The following SAMMSON variants were observed in gnomAD, a reference collection of about 807,000 sequenced individuals.
SAMMSON encodes long intergenic non-protein coding RNA 1212.
intron 7 of SAMMSON, among the ~76,000 whole-genome samples, chr3:70,316,839 G>A (rs1205602381): frequency 1.3e-5 from 2 of 152,046 alleles, no homozygotes; most frequent in African/African-American, 4.8e-5. Flanking sequence ...GTTACAAAAT[G>A]CATTAAATTT....
At chr3:70,250,801 T>C (rs1271855273) in intron 6 of SAMMSON, among the ~76,000 whole-genome samples, 2 of 152,162 alleles carry the variant, frequency 1.3e-5, no homozygotes, top group East Asian at 1.9e-4. Context: ...CATAAACATA[T>C]GCATTTCTTC....
chr3:70,208,524 A>G (rs955656111), intron 4 of SAMMSON, among the ~76,000 whole-genome samples: 2 of 152,090 alleles, frequency 1.3e-5, no homozygotes, highest in Non-Finnish European at 2.9e-5. Flanking sequence ...AAGCTCTGGT[A>G]TTCCCCTATT....
chr3:70,392,213 GATATTT>G (rs1701055758), downstream of SAMMSON, among the ~76,000 whole-genome samples: 1 of 152,078 alleles, frequency 6.6e-6, no homozygotes, highest in South Asian at 2.1e-4. Flanking sequence ...CTGATTTTTA[GATATTT>G]ACTCTGTGAC....
At chr3:70,292,353 C>A (rs1193473954) in intron 7 of SAMMSON, among the ~76,000 whole-genome samples, 5 of 152,066 alleles carry the variant, frequency 3.3e-5, no homozygotes, top group Admixed American at 2.6e-4. Flanking sequence ...CTATACATAT[C>A]TTGTTGGCCT....
At chr3:70,266,256 T>C (rs1433872065) in intron 6 of SAMMSON, among the ~76,000 whole-genome samples, 2 of 152,148 alleles carry the variant, frequency 1.3e-5, no homozygotes, top group African/African-American at 4.8e-5. Flanking sequence ...TGTGACCTAT[T>C]ATGACTTATA....
chr3:70,045,771 A>G (rs563136164), intron 3 of SAMMSON, among the ~76,000 whole-genome samples: 2 of 152,122 alleles, frequency 1.3e-5, no homozygotes, highest in Non-Finnish European at 2.9e-5. Flanking sequence ...GTTGTTGAGC[A>G]CAAATGTGGG....
intron 4 of SAMMSON, among the ~76,000 whole-genome samples, chr3:70,228,876 G>A (rs1342340012): frequency 1.3e-5 from 2 of 152,032 alleles, no homozygotes; most frequent in Non-Finnish European, 2.9e-5. Flanking sequence ...CTATTATGTG[G>A]CAGACTATGT....
At chr3:70,290,092 G>A (rs568671446) in intron 6 of SAMMSON, among the ~76,000 whole-genome samples, 299 of 152,240 alleles carry the variant, frequency 2.0e-3, no homozygotes, top group African/African-American at 5.9e-3. Flanking sequence ...GCTTTGTTCC[G>A]TTGCTGGTGA....
chr3:70,101,520 A>T (rs1014917275), intron 4 of SAMMSON, among the ~76,000 whole-genome samples: 1 of 152,148 alleles, frequency 6.6e-6, no homozygotes, highest in Non-Finnish European at 1.5e-5. Flanking sequence ...CATTAATTGT[A>T]TAGATTAAAG....
chr3:70,290,640 C>T (rs1337766549), intron 6 of SAMMSON, among the ~76,000 whole-genome samples: 1 of 152,206 alleles, frequency 6.6e-6, no homozygotes, highest in Non-Finnish European at 1.5e-5. Context: ...TGGGCAATGG[C>T]GGGCGCCCCT....
At chr3:70,022,559 T>C (rs1320482492) in intron 3 of SAMMSON, among the ~76,000 whole-genome samples, 1 of 152,156 alleles carries the variant, frequency 6.6e-6, no homozygotes, top group Non-Finnish European at 1.5e-5. Context: ...TTTATGGAAC[T>C]AATTTTATTT....
At chr3:70,338,571 A>G (rs1028179724) in intron 7 of SAMMSON, among the ~76,000 whole-genome samples, 1 of 152,164 alleles carries the variant, frequency 6.6e-6, no homozygotes, top group East Asian at 1.9e-4. Flanking sequence ...TACAAAATCA[A>G]AGTGCAAAAA....
intron 4 of SAMMSON, among the ~76,000 whole-genome samples, chr3:70,104,327 T>C (rs562828501): frequency 6.6e-6 from 1 of 152,206 alleles, no homozygotes; most frequent in East Asian, 1.9e-4. Context: ...AAGTCTCAAT[T>C]TCCATATCTG....
intron 4 of SAMMSON, chr3:70,126,304 G>A (rs1464147934): frequency 1.7e-6 from 2 of 1,145,652 alleles, no homozygotes; most frequent in African/African-American, 3.1e-5. Flanking sequence ...GAGTGAACTT[G>A]ATCTTGCTCT....
intron 6 of SAMMSON, among the ~76,000 whole-genome samples, chr3:70,268,902 G>A (rs1701949299): frequency 6.6e-6 from 1 of 152,080 alleles, no homozygotes; most frequent in African/African-American, 2.4e-5. Context: ...CACATATTAT[G>A]TATGGCCTCT....
At chr3:70,196,703 A>T (rs910102086) in intron 4 of SAMMSON, among the ~76,000 whole-genome samples, 2 of 152,330 alleles carry the variant, frequency 1.3e-5, no homozygotes, top group Admixed American at 1.3e-4. Flanking sequence ...ATCACATGTG[A>T]TCAAGAATCT....
intron 4 of SAMMSON, among the ~76,000 whole-genome samples, chr3:70,092,908 T>TA (rs929029574): frequency 3.3e-5 from 5 of 149,920 alleles, no homozygotes; most frequent in Admixed American, 3.3e-4. Context: ...TTTTGTTTTT[T>TA]TTTTTTTGTT....
chr3:70,426,122 T>A (rs1701364471), intron 2 of SAMMSON, among the ~76,000 whole-genome samples: 1 of 152,208 alleles, frequency 6.6e-6, no homozygotes, highest in Non-Finnish European at 1.5e-5. Flanking sequence ...AATCCAGTAA[T>A]ATTGAGTTCT....
intron 4 of SAMMSON, among the ~76,000 whole-genome samples, chr3:70,204,231 A>T (rs1213089198): frequency 6.6e-6 from 1 of 152,178 alleles, no homozygotes; most frequent in South Asian, 2.1e-4. Flanking sequence ...TGGATGCAGT[A>T]TTCTCTTTTC....
Sources: gnomAD v4.1 joint callset for allele counts (sites outside exome capture counted in the v4.1 genomes callset) on GRCh38, gnomAD v4.1.1 for gene constraint, MANE v1.5 for transcripts, NCBI Gene and HGNC (gene_info 2026-07-23, HGNC 2026-07-21) for gene names.